ADAM9: variants seen among roughly 807,000 people sequenced by gnomAD.
ADAM9 encodes the protein disintegrin and metalloproteinase domain-containing protein 9.
A neutral mutation model predicts 108.1 loss-of-function variants in ADAM9; 54 were observed. The ratio of observed to expected loss-of-function variants is 0.50; its 90% confidence interval spans 0.40 to 0.63. ADAM9 has a LOEUF of 0.63. Among genes scored for constraint, ADAM9 ranks in the 20% least tolerant of loss-of-function variants. The pLI is 0.00. For synonymous variants in ADAM9, 316 were observed against 336.0 expected (o/e 0.94, Z 0.65); for missense variants, 830 against 997.7 (o/e 0.83, Z 2.26).
In ADAM9 at chr8:39,085,852, G is replaced by A. The variant is rs543974832; in HGVS notation, c.2068+2779G>A. 4.6e-5 allele frequency among the ~76,000 whole-genome samples: 7 copies of A among 151,856 alleles called. No homozygotes were observed. In the South Asian group the frequency reaches 1.5e-3, roughly 32 times the overall value. Reference sequence around the variant, plus strand: ...TGCTTTTATAGTTTTCTTCAAATTTGGAAAATTTTTGGCCATCGTTTCTTC... The same window carrying A: ...TGCTTTTATAGTTTTCTTCAAATTTAGAAAATTTTTGGCCATCGTTTCTTC... On this transcript the variant is annotated intron_variant, in intron 18 of 21. Coordinates refer to ENST00000487273, the MANE Select transcript of ADAM9 (RefSeq NM_003816.3).
In ADAM9 at chr8:39,090,094, A is replaced by G. The variant is rs771595185; in HGVS notation, c.2116A>G (p.Ile706Val). ...RDGLLVFFFL[I>V]VPLIVCAIFI... ...CGGACTTCTGGTCTTCTTCTTCCTA[A>G]TTGTTCCCCTTATTGTCTGTGCTAT... The change falls in exon 19 of 22, where the codon ATT becomes GTT. Residue 706 changes from isoleucine to valine, a missense_variant. Ile to Val is a conservative substitution (Grantham distance 29). Coordinates refer to ENST00000487273, the MANE Select transcript of ADAM9 (RefSeq NM_003816.3). The G allele has an allele frequency of 5.1e-5, 83 of 1,613,758 alleles. No individual in the cohort carries two copies. Among genetic ancestry groups the G allele is most frequent in the Admixed American group, 2.5e-4 (15 of 59,980 alleles).
chr8:39,066,803 G>A (rs1838493368), intron 14 of ADAM9, among the ~76,000 whole-genome samples: 1 of 152,160 alleles, frequency 6.6e-6, no homozygotes, highest in South Asian at 2.1e-4. Context: ...TGCTTTTGGT[G>A]TTTTAGACAT....
At chr8:39,085,227 C>T (rs1295178259) in intron 18 of ADAM9, among the ~76,000 whole-genome samples, 1 of 152,074 alleles carries the variant, frequency 6.6e-6, no homozygotes, top group East Asian at 1.9e-4. Flanking sequence ...TTCCATCAGT[C>T]TCCTTGTAGT....
chr8:39,030,132 T>A (rs557444594), intron 11 of ADAM9, among the ~76,000 whole-genome samples: 1 of 152,256 alleles, frequency 6.6e-6, no homozygotes, highest in South Asian at 2.1e-4. Context: ...TACTTTATGG[T>A]TCAGTCTTGG....
intron 12 of ADAM9, among the ~76,000 whole-genome samples, chr8:39,054,002 A>G (rs1838035569): frequency 6.6e-6 from 1 of 152,158 alleles, no homozygotes; most frequent in African/African-American, 2.4e-5. Flanking sequence ...GCCCTGATCC[A>G]CTAGGATCAG....
chr8:39,023,953 C>A (rs1317962900), intron 9 of ADAM9, among the ~76,000 whole-genome samples: 2 of 151,970 alleles, frequency 1.3e-5, no homozygotes, highest in Admixed American at 6.6e-5. Flanking sequence ...ACCATGTTGG[C>A]CAGGCTGGTC....
At chr8:39,068,090 C>T (rs1006742392) in intron 14 of ADAM9, among the ~76,000 whole-genome samples, 4 of 152,098 alleles carry the variant, frequency 2.6e-5, no homozygotes, top group South Asian at 2.1e-4. Flanking sequence ...CTTTCTTCTG[C>T]GTAACCTCTG....
chr8:39,014,357 GAAAGTTAATATCTCTA>G, intron 4 of ADAM9: 1 of 534,566 alleles, frequency 1.9e-6, no homozygotes, highest in South Asian at 3.0e-5. Context: ...TTTTTTTGTT[GAAAGTTAATATCTCTA>G]AAAGTGCACT....
At chr8:39,074,050 G>T (rs1838779140) in intron 15 of ADAM9, among the ~76,000 whole-genome samples, 1 of 152,090 alleles carries the variant, frequency 6.6e-6, no homozygotes, top group South Asian at 2.1e-4. Flanking sequence ...ATGGGTGTTA[G>T]TACTAAGAGG....
At chr8:39,022,817 G>A (rs796215934) in intron 8 of ADAM9, among the ~76,000 whole-genome samples, 7 of 152,070 alleles carry the variant, frequency 4.6e-5, no homozygotes, top group South Asian at 4.2e-4. Context: ...AGGTTCAAGC[G>A]ATTCTCCTGC....
chr8:39,050,635 T>C (rs1333803621), intron 12 of ADAM9, among the ~76,000 whole-genome samples: 2 of 152,124 alleles, frequency 1.3e-5, no homozygotes, highest in Non-Finnish European at 2.9e-5. Context: ...CAGAGCTTTT[T>C]TGGGCCTCTC....
chr8:38,999,181 C>T (rs1222120444), intron 1 of ADAM9, among the ~76,000 whole-genome samples: 2 of 152,070 alleles, frequency 1.3e-5, no homozygotes, highest in Non-Finnish European at 2.9e-5. Flanking sequence ...GAAACATTTT[C>T]CAGGATCGAA....
intron 14 of ADAM9, among the ~76,000 whole-genome samples, chr8:39,066,282 G>T (rs866016713): frequency 2.2e-4 from 33 of 152,166 alleles, no homozygotes; most frequent in African/African-American, 7.7e-4. Flanking sequence ...TGGGATGGCT[G>T]GGTCAAATGG....
At chr8:39,059,209 G>A (rs1588395309) in intron 14 of ADAM9, among the ~76,000 whole-genome samples, 1 of 152,242 alleles carries the variant, frequency 6.6e-6, no homozygotes. Context: ...AGTTTTGGTA[G>A]TTCACAGGAG....
At chr8:39,089,870 T>G in intron 18 of ADAM9, 177 bp from the exon 19 acceptor site, 1 of 664,254 alleles carries the variant, frequency 1.5e-6, no homozygotes, top group Non-Finnish European at 2.6e-6. Flanking sequence ...GTTATTTTTG[T>G]GAAGGCAGAA....
At chr8:39,042,234 G>A in intron 12 of ADAM9, 117 bp downstream of exon 12, 1 of 1,130,576 alleles carries the variant, frequency 8.8e-7, no homozygotes, top group Non-Finnish European at 1.3e-6. Context: ...GTGGCACAGT[G>A]AGGATTGTTA....
In ADAM9 at chr8:39,026,775, T is replaced by G; in HGVS notation, c.1095T>G (p.Cys365Trp). ...ACGATGATGGGAGAGATTGTTCCTG[T>G]GGAGCAAAGAGCTGCATCATGAATT... is the stretch of plus-strand genomic sequence containing the variant. ...MNHDDGRDCS[C>W]GAKSCIMNSG... Residue 365 changes from cysteine to tryptophan, a missense_variant, in exon 11 of 22, where the codon TGT (cysteine) becomes TGG (tryptophan). Transcript: ENST00000487273. 1 of 1,614,130 alleles carries G rather than the reference T, an allele frequency of 6.2e-7. No individual in the cohort carries two copies. Among genetic ancestry groups the G allele is most frequent in the Non-Finnish European group, 8.5e-7 (1 of 1,180,016 alleles).
intron 11 of ADAM9, among the ~76,000 whole-genome samples, chr8:39,033,818 A>G (rs957711970): frequency 3.3e-5 from 5 of 152,138 alleles, no homozygotes; most frequent in African/African-American, 1.2e-4. Flanking sequence ...CTACCATCTT[A>G]TATCTCCTTT....
chr8:39,031,025 C>A (rs138025243), intron 11 of ADAM9, among the ~76,000 whole-genome samples: 2 of 152,142 alleles, frequency 1.3e-5, no homozygotes, highest in African/African-American at 2.4e-5. Context: ...TACTAGTCTG[C>A]AGCTTATCTT....
Sources: allele counts gnomAD v4.1 joint callset (sites outside exome capture counted in the v4.1 genomes callset), GRCh38; gene constraint gnomAD v4.1.1; transcripts MANE v1.5; gene names NCBI Gene and HGNC (gene_info 2026-07-23, HGNC 2026-07-21).